The following SEPTIN6 variants were observed in gnomAD, a reference collection of about 807,000 sequenced individuals.
SEPTIN6 encodes septin 6, also known as septin-6.
A neutral mutation model predicts 33.6 loss-of-function variants in SEPTIN6; 8 were observed. The observed-to-expected ratio is 0.24, with a 90% CI of 0.14 to 0.43. The LOEUF is 0.43. SEPTIN6 is among the 20% of genes least tolerant of loss of function. SEPTIN6 has a pLI of 1.00. For missense variants in SEPTIN6, 250 were observed against 340.8 expected, an observed-to-expected ratio of 0.73 and a Z score of 2.10; for synonymous variants, 131 against 140.0, an observed-to-expected ratio of 0.94 and a Z score of 0.45.
chrX:119,680,278 T>C (rs1451039583), intron 1 of SEPTIN6, among the ~76,000 whole-genome samples: 1 of 108,785 alleles, frequency 9.2e-6, no homozygotes, highest in Non-Finnish European at 1.9e-5. Flanking sequence ...CAGGCTGGAG[T>C]GCAGTGGCAC....
At chrX:119,684,435 C>T (rs2055015789) in intron 1 of SEPTIN6, among the ~76,000 whole-genome samples, 1 of 107,713 alleles carries the variant, frequency 9.3e-6, no homozygotes, top group African/African-American at 3.4e-5. Flanking sequence ...AAGGATGCCG[C>T]TGTATTATGT....
intron 2 of SEPTIN6, among the ~76,000 whole-genome samples, chrX:119,672,700 T>C (rs999158916): frequency 8.9e-6 from 1 of 112,518 alleles, no homozygotes; most frequent in Non-Finnish European, 1.9e-5. Context: ...CAGCCAAAGA[T>C]TGGAGCTCTT....
At chrX:119,683,486 T>C (rs2055000319) in intron 1 of SEPTIN6, among the ~76,000 whole-genome samples, 1 of 112,395 alleles carries the variant, frequency 8.9e-6, no homozygotes, top group South Asian at 3.6e-4. Flanking sequence ...AAATGTTTTC[T>C]AAGAATATTT....
intron 2 of SEPTIN6, among the ~76,000 whole-genome samples, chrX:119,672,278 T>G (rs1266335927): frequency 9.0e-6 from 1 of 110,926 alleles, no homozygotes; most frequent in African/African-American, 3.3e-5. Context: ...TCTTGGAGGG[T>G]CTGTGCTGGG....
chrX:119,629,666 G>T (rs1381383252), intron 8 of SEPTIN6, among the ~76,000 whole-genome samples, 158 bp from the exon 9 acceptor site: 1 of 111,063 alleles, frequency 9.0e-6, no homozygotes. Context: ...GGCACCAAAG[G>T]CACCATGCTC....
At chrX:119,638,406 G>A (rs1440190033) in intron 6 of SEPTIN6, among the ~76,000 whole-genome samples, 1 of 111,871 alleles carries the variant, frequency 8.9e-6, no homozygotes, top group Non-Finnish European at 1.9e-5. Context: ...GGAGCACTTT[G>A]TCAAGGTGGC....
At chrX:119,687,888 C>T (rs1298576757) in intron 1 of SEPTIN6, among the ~76,000 whole-genome samples, 1 of 112,278 alleles carries the variant, frequency 8.9e-6, no homozygotes, top group African/African-American at 3.2e-5. Context: ...ACAGACAAAT[C>T]ACTCTGCTAT....
chrX:119,647,600 T>C (rs1029424817), intron 5 of SEPTIN6, among the ~76,000 whole-genome samples: 7 of 106,883 alleles, frequency 6.5e-5, no homozygotes, highest in African/African-American at 2.4e-4. Context: ...CTTCCCACTT[T>C]AGGCCACCCA....
chrX:119,623,958 T>A, intron 10 of SEPTIN6: 1 of 203,362 alleles, frequency 4.9e-6, no homozygotes, highest in Admixed American at 5.3e-5. Flanking sequence ...AATCCCTGCT[T>A]TCAGTCTCCC....
At chrX:119,624,580 C>G (rs184633667) in intron 10 of SEPTIN6, among the ~76,000 whole-genome samples, 1 of 111,589 alleles carries the variant, frequency 9.0e-6, no homozygotes, top group Admixed American at 9.6e-5. Context: ...TCCATTGACT[C>G]TGGACATTCT....
rs2054897137 is a variant in SEPTIN6, at chrX:119,678,968, T to C, written c.31-3300A>G. Among the ~76,000 whole-genome samples the C allele has an allele frequency of 4.5e-5, 5 of 110,994 alleles. No individual in the cohort carries two copies. In the Admixed American group the frequency reaches 4.8e-4, roughly 11 times the overall value. The stretch of plus-strand genomic sequence containing the variant: ...TTTCTTTTCTTTCCTTTTTTTTTGA[T>C]AAGGAGTCTCTCCCTGTCTCCCAGG... On this transcript the variant is annotated intron_variant, in intron 1 of 10. Coordinates refer to ENST00000394610, the MANE Select transcript of SEPTIN6 (RefSeq NM_145799.4).
intron 7 of SEPTIN6, among the ~76,000 whole-genome samples, chrX:119,636,203 T>A (rs1211814376): frequency 9.0e-6 from 1 of 111,408 alleles, no homozygotes; most frequent in African/African-American, 3.3e-5. Flanking sequence ...ACAGGTAGAG[T>A]AAGATCTCAG....
chrX:119,618,281 G>C lies in SEPTIN6; in HGVS notation c.*1812C>G, dbSNP rs185555496. ...CAAGAAACTGGCTTGTGCTTTGGCA[G>C]CATCACCTTCATACTTGCTCTGGTC... On this transcript the variant is annotated 3_prime_UTR_variant, in exon 11 of 11. Transcript: ENST00000394610. The C allele has an allele frequency of 1.2e-6, 1 of 806,017 alleles. No individual in the cohort carries two copies. Among genetic ancestry groups the C allele is most frequent in the African/African-American group, 2.2e-5 (1 of 45,093 alleles). 66.4% of individuals were successfully genotyped at this position (806,017 alleles called of 1,213,427 possible).
chrX:119,624,853 G>A (rs1400405303), intron 10 of SEPTIN6, among the ~76,000 whole-genome samples: 4 of 111,103 alleles, frequency 3.6e-5, no homozygotes, highest in Non-Finnish European at 5.7e-5. Flanking sequence ...GGGATTACAG[G>A]CCTGTGCCAC....
At chrX:119,643,273 G>A (rs1199391717) in intron 5 of SEPTIN6, among the ~76,000 whole-genome samples, 1 of 110,319 alleles carries the variant, frequency 9.1e-6, no homozygotes, top group African/African-American at 3.3e-5. Context: ...AATGCAGAGA[G>A]CTAGACTGAG....
At chrX:119,660,112 T>C (rs1240741073) in intron 3 of SEPTIN6, among the ~76,000 whole-genome samples, 1 of 112,408 alleles carries the variant, frequency 8.9e-6, no homozygotes, top group Admixed American at 9.4e-5. Context: ...TGGCCTCAAG[T>C]GATCCACCCA....
downstream of SEPTIN6, chrX:119,616,584 C>T (rs762741092): frequency 3.0e-6 from 2 of 662,665 alleles, no homozygotes; most frequent in South Asian, 2.3e-5. Context: ...CACATGAACA[C>T]TTGTTGAGTG....
chrX:119,689,321 A>G (rs1218174071), intron 1 of SEPTIN6, among the ~76,000 whole-genome samples: 1 of 111,730 alleles, frequency 9.0e-6, no homozygotes, highest in Non-Finnish European at 1.9e-5. Context: ...GTTACCTTGG[A>G]CAAGTCATGG....
At chrX:119,668,894 A>G (rs142777453) in intron 2 of SEPTIN6, among the ~76,000 whole-genome samples, 2,839 of 111,341 alleles carry the variant, frequency 0.025, 74 homozygotes, top group African/African-American at 0.087. Context: ...CCTGAGCAGT[A>G]TACACTGAAC....
Sources: gnomAD v4.1 joint callset for allele counts (sites outside exome capture counted in the v4.1 genomes callset) on GRCh38, gnomAD v4.1.1 for gene constraint, MANE v1.5 for transcripts, NCBI Gene and HGNC (gene_info 2026-07-23, HGNC 2026-07-21) for gene names.